Variants in TM6SF1 observed in about 807,000 individuals in gnomAD.
TM6SF1 encodes the protein transmembrane 6 superfamily member 1.
A neutral mutation model predicts 47.1 loss-of-function variants in TM6SF1; 43 were observed. The observed-to-expected ratio is 0.91, with a 90% confidence interval of 0.72 to 1.18. The LOEUF (loss-of-function observed/expected upper bound fraction) is 1.18, where lower values mean the gene tolerates loss of function less well. TM6SF1 is among the 50% of genes most tolerant of loss of function. TM6SF1 has a pLI of 0.00. For synonymous variants in TM6SF1, 177 were observed against 166.3 expected, an observed-to-expected ratio of 1.06 and a Z score of -0.49; for missense variants, 390 against 449.0, an observed-to-expected ratio of 0.87 and a Z score of 1.19.
At chr15:83,134,583 G>T (rs2036488630) in intron 9 of TM6SF1, 1 of 152,192 alleles carries the variant, frequency 6.6e-6, no homozygotes, top group African/African-American at 2.4e-5. Flanking sequence ...TAACTGCACT[G>T]GTTAGTGCAG....
chr15:83,108,278 T>C (rs2033850914), intron 1 of TM6SF1, among the ~76,000 whole-genome samples: 1 of 152,222 alleles, frequency 6.6e-6, no homozygotes, highest in South Asian at 2.1e-4. Context: ...ACGTGGGTTC[T>C]AGGCCTGGCT....
chr15:83,134,021 T>C (rs2036445255), intron 9 of TM6SF1: 1 of 152,176 alleles, frequency 6.6e-6, no homozygotes, highest in Non-Finnish European at 1.5e-5. Context: ...TTTTGTGCCT[T>C]GTTTAATAAT....
intron 9 of TM6SF1, chr15:83,135,919 A>G (rs2036576556): frequency 1.3e-5 from 2 of 152,214 alleles, no homozygotes; most frequent in Non-Finnish European, 2.9e-5. Context: ...AAATGAATAA[A>G]CAAAAAACAC....
chr15:83,127,332 T>C, intron 8 of TM6SF1, 26 bp from the exon 9 acceptor site: 1 of 1,551,374 alleles, frequency 6.4e-7, no homozygotes, highest in Non-Finnish European at 8.7e-7. Context: ...AATTTGCTGA[T>C]GATGTTATTT....
At chr15:83,134,555 T>C (rs182478006) in intron 9 of TM6SF1, 1 of 152,334 alleles carries the variant, frequency 6.6e-6, no homozygotes, top group African/African-American at 2.4e-5. Context: ...GAGTTTGCTG[T>C]TCATGAAAGT....
At chr15:83,133,578 C>T (rs1049483440) in intron 9 of TM6SF1, 1 of 152,234 alleles carries the variant, frequency 6.6e-6, no homozygotes, top group Non-Finnish European at 1.5e-5. Flanking sequence ...CCTCACATTG[C>T]TAAATTCTGG....
At position 83,107,842 on chromosome 15, in the gene TM6SF1, C is replaced by G. The variant is rs912158032; in HGVS notation, c.92+70C>G. 242 of 1,504,804 alleles carry G rather than the reference C, an allele frequency of 1.6e-4. 2 individuals are homozygous for G. The highest frequency in any genetic ancestry group is 9.0e-5 in the Admixed American group (4 of 44,598). 93.2% of individuals were successfully genotyped at this position (1,504,804 alleles called of 1,614,324 possible). A position where few individuals can be genotyped will look rare whatever the true frequency, so the allele number is the denominator to read the frequency against. On this transcript the variant is annotated intron_variant, in intron 1 of 9. Transcript: ENST00000322019. This position sits in a 1 kb window ranked among gnomAD's most constrained non-coding sequence, Gnocchi z 5.6. ...AGTTGGCTCGCCGCGACGGGAGCCTCGCAACTTTTCCGAGGGGGCTGGGAC... is the reference window on the plus strand; with the variant it reads ...AGTTGGCTCGCCGCGACGGGAGCCTGGCAACTTTTCCGAGGGGGCTGGGAC...
intron 3 of TM6SF1, among the ~76,000 whole-genome samples, chr15:83,117,369 C>T (rs917141111): frequency 6.6e-6 from 1 of 152,028 alleles, no homozygotes; most frequent in African/African-American, 2.4e-5. Context: ...GAGTCACGGG[C>T]CATCGGAGTG....
Position 83,121,947 on chromosome 15 carries a change from AT to A in TM6SF1, c.427del (p.Trp143GlyfsTer7). 6.2e-7 allele frequency: 1 copy of A among 1,610,596 alleles called. No individual in the cohort carries two copies. The highest frequency in any genetic ancestry group is 1.1e-5 in the South Asian group (1 of 89,568). On this transcript the variant is annotated frameshift_variant, in exon 5 of 10. Transcript: ENST00000322019. LOFTEE classifies it high-confidence loss of function. ...WEETYRTIGL[Y>X]WVGSIIMSVV... is the part of the protein sequence containing the mutation. Reference sequence around the variant, plus strand: ...GAAACTTATAGAACCATTGGCCTATATTGGGTTGGATCTATTATTATGAGTG... The same window carrying A: ...GAAACTTATAGAACCATTGGCCTATATGGGTTGGATCTATTATTATGAGTG...
In TM6SF1 at chr15:83,136,627, A is replaced by G; in HGVS notation, c.1068A>G (p.Lys356=). 4 of 1,607,522 alleles carry G rather than the reference A, an allele frequency of 2.5e-6. No individual in the cohort carries two copies. The highest frequency in any genetic ancestry group is 3.4e-6 in the Non-Finnish European group (4 of 1,178,412). ...PQLLAYRCIY[K]PEFFIKTKAE... ...TCTTGGCCTATCGTTGTATCTACAA[A>G]CCAGAGTTCTTCATAAAAACAAAGG... The change falls in exon 10 of 10, where the codon AAA becomes AAG. Residue 356 remains lysine (K), a synonymous_variant. Coordinates refer to ENST00000322019, the MANE Select transcript of TM6SF1 (RefSeq NM_023003.5).
intron 9 of TM6SF1, chr15:83,133,955 G>T (rs1236147835): frequency 1.3e-5 from 2 of 152,144 alleles, no homozygotes; most frequent in African/African-American, 4.8e-5. Flanking sequence ...CACACCACTG[G>T]CCTTAGAGTT....
chr15:83,122,107 G>A, intron 5 of TM6SF1, 104 bp downstream of exon 5: 1 of 948,304 alleles, frequency 1.1e-6, no homozygotes, highest in Non-Finnish European at 1.6e-6. Context: ...GTGATTCCAA[G>A]CTTACTAAAA....
intron 8 of TM6SF1, 62 bp from the exon 9 acceptor site, chr15:83,127,295 CT>C: frequency 6.9e-7 from 1 of 1,453,976 alleles, no homozygotes; most frequent in Non-Finnish European, 9.1e-7. Context: ...CTTTTTTGTA[CT>C]TTTTAGTCAG....
rs953712796 is a variant in TM6SF1 at position 83,127,733 on chromosome 15, C to T, written c.921+256C>T. ...GGTCCAGTGAAGTTAAATGATTTGC[C>T]CAAGGTTACACACCCAGCATGTGGC... On this transcript the variant is annotated intron_variant, in intron 9 of 9. Transcript: ENST00000322019. 5 of 367,422 alleles carry T rather than the reference C, an allele frequency of 1.4e-5. No homozygotes were observed. The Admixed American group carries it at 1.5e-4, about 11-fold the overall frequency. The allele number at this position is 367,422 out of a possible 1,614,324, so 22.8% of individuals were successfully genotyped here. A position where few individuals can be genotyped will look rare whatever the true frequency, so the allele number is the denominator to read the frequency against.
intron 9 of TM6SF1, chr15:83,135,479 T>C (rs2036545352): frequency 6.6e-6 from 1 of 152,232 alleles, no homozygotes; most frequent in African/African-American, 2.4e-5. Flanking sequence ...AATCCTTTAT[T>C]CATGTGTATC....
intron 5 of TM6SF1, 83 bp from the exon 6 acceptor site, chr15:83,122,674 A>G (rs1596499219): frequency 2.7e-6 from 4 of 1,500,568 alleles, no homozygotes; most frequent in Non-Finnish European, 3.6e-6. Context: ...ATTTTAGATG[A>G]CCTGAGATGG....
intron 2 of TM6SF1, chr15:83,115,417 C>T (rs1035791707): frequency 3.0e-6 from 1 of 335,508 alleles, no homozygotes; most frequent in Non-Finnish European, 5.9e-6. Flanking sequence ...CATGCCCAGC[C>T]TGAATCATTG....
intron 6 of TM6SF1, among the ~76,000 whole-genome samples, chr15:83,123,243 C>T (rs1179898444): frequency 2.0e-5 from 3 of 152,094 alleles, no homozygotes; most frequent in African/African-American, 4.8e-5. Context: ...TCTGTGACAC[C>T]TATGCATTTA....
chr15:83,121,998 T>C lies in TM6SF1; in HGVS notation c.476T>C (p.Ile159Thr), dbSNP rs547753904. The change falls in exon 5 of 10, where the codon ATT (isoleucine) becomes ACT (threonine). Residue 159 changes from isoleucine (I) to threonine (T), a missense_variant. By Grantham distance (89) the Ile-to-Thr change is moderately conservative. Coordinates refer to ENST00000322019, the MANE Select transcript of TM6SF1 (RefSeq NM_023003.5). ...GTTGTTGTTTTTGTGCCAGGAAACATTGTAGGTAAGAAACTTTATCTTAAA... is the reference window on the plus strand; with the variant it reads ...GTTGTTGTTTTTGTGCCAGGAAACACTGTAGGTAAGAAACTTTATCTTAAA... Reference protein sequence around the residue: ...MSVVVFVPGNIVGKYGTRICP... With the variant: ...MSVVVFVPGNTVGKYGTRICP... 20 of 1,610,036 alleles carry C rather than the reference T, an allele frequency of 1.2e-5. No homozygotes were observed. Among genetic ancestry groups the C allele is most frequent in the Admixed American group, 5.0e-5 (3 of 59,430 alleles).
Sources: allele counts gnomAD v4.1 joint callset (sites outside exome capture counted in the v4.1 genomes callset), GRCh38; gene constraint gnomAD v4.1.1; non-coding constraint Gnocchi (gnomAD v3.1); transcripts MANE v1.5; gene names NCBI Gene and HGNC (gene_info 2026-07-23, HGNC 2026-07-21).